AFDN: variants seen among roughly 807,000 people sequenced by gnomAD.
The protein encoded by AFDN is afadin.
A neutral mutation model predicts 216.6 loss-of-function variants in AFDN; 68 were observed. The observed-to-expected ratio is 0.31, with a 90% CI of 0.26 to 0.38. AFDN has a LOEUF of 0.38. Among genes scored for constraint, AFDN ranks in the 10% least tolerant of loss-of-function variants. AFDN has a pLI of 1.00. For missense variants in AFDN, 2,136 were observed against 2,342.0 expected (o/e 0.91, Z 1.82); for synonymous variants, 868 against 853.7 (o/e 1.02, Z -0.29).
At chr6:167,887,191 GGCTGATTTTTA>G (rs1786953410) in intron 6 of AFDN, among the ~76,000 whole-genome samples, 1 of 151,814 alleles carries the variant, frequency 6.6e-6, no homozygotes, top group South Asian at 2.1e-4. Context: ...AGTAATTTTT[GGCTGATTTTTA>G]CTGATGAAAA....
Position 167,965,963 on chromosome 6 carries a change from G to A in AFDN, c.5175G>A (p.Gln1725=). ...GAAACGCCTCCTACCTCAAAACACAGGTCCTCTCCCCCGACTCGCTGTTCA... is the reference window on the plus strand; with the variant it reads ...GAAACGCCTCCTACCTCAAAACACAAGTCCTCTCCCCCGACTCGCTGTTCA... The part of the protein sequence containing the change: ...PQRNASYLKT[Q]VLSPDSLFTA... The change falls in exon 32 of 34, where the codon CAG becomes CAA. Residue 1725 remains glutamine (Q), a synonymous_variant. Transcript: ENST00000683244. The A allele has an allele frequency of 6.5e-7, 1 of 1,544,598 alleles. No homozygotes were observed. Among genetic ancestry groups the A allele is most frequent in the Non-Finnish European group, 8.7e-7 (1 of 1,143,670 alleles).
At chr6:167,828,062 A>T (rs1170673727) in intron 1 of AFDN, 3 of 152,294 alleles carry the variant, frequency 2.0e-5, no homozygotes, top group Middle Eastern at 6.8e-3. Flanking sequence ...TCGGGGAGCA[A>T]CCCTGTAAAT....
chr6:167,856,003 G>A (rs1461516046), intron 1 of AFDN, among the ~76,000 whole-genome samples: 2 of 152,092 alleles, frequency 1.3e-5, no homozygotes, highest in African/African-American at 4.8e-5. Context: ...GTTTCGAATT[G>A]CATGACAGTT....
chr6:167,867,688 C>T (rs887092974), intron 2 of AFDN, among the ~76,000 whole-genome samples: 2 of 152,148 alleles, frequency 1.3e-5, no homozygotes, highest in Non-Finnish European at 2.9e-5. Context: ...GCCTCGGCCT[C>T]CCAAAGTGCT....
In AFDN at chr6:167,914,717, A is replaced by G. The variant is rs1304553039; in HGVS notation, c.2278A>G (p.Ser760Gly). ...CTTTCTAGATGACCCTGAAGAGAAC[A>G]GTCTGCAACGACCAAAAATAGGTTA... The part of the protein sequence containing the change: ...PAFLDDPEEN[S>G]LQRPKIDDVL... Residue 760 changes from serine to glycine, a missense_variant, in exon 18 of 34, where the codon AGT (serine) becomes GGT (glycine). Ser to Gly is a moderately conservative substitution (Grantham distance 56). Around this residue, in one of 8 missense-constraint regions of AFDN, gnomAD observed 817 missense variants for 965.7 expected, o/e 0.85. Transcript: ENST00000683244. 3 of 1,612,656 alleles carry G rather than the reference A, an allele frequency of 1.9e-6. No individual in the cohort carries two copies. The highest frequency in any genetic ancestry group is 1.3e-5 in the African/African-American group (1 of 74,916).
rs780249380 is a variant in AFDN, at chr6:167,914,751, TCTGA to T, written c.2299+17_2299+20del. The T allele has an allele frequency of 1.2e-5, 18 of 1,542,528 alleles. No homozygotes were observed. Among genetic ancestry groups the T allele is most frequent in the East Asian group, 6.7e-5 (3 of 44,536 alleles). On this transcript the variant is annotated intron_variant, in intron 18 of 33. Coordinates refer to ENST00000683244, the MANE Select transcript of AFDN (RefSeq NM_001386888.1). ...CGACCAAAAATAGGTTAGGATGTTT[TCTGA>T]CTGTCTCCCTCTATCCCGCTTCCTT... is the stretch of plus-strand genomic sequence containing the variant.
Position 167,966,026 on chromosome 6 carries a change from G to A in AFDN, c.5238G>A (p.Glu1746=). The A allele has an allele frequency of 6.5e-7, 1 of 1,548,078 alleles. No homozygotes were observed. The highest frequency in any genetic ancestry group is 8.7e-7 in the Non-Finnish European group (1 of 1,146,992). Residue 1746 remains glutamate, a synonymous_variant, in exon 32 of 34, where the codon GAG becomes GAA. Transcript: ENST00000683244. The stretch of plus-strand genomic sequence containing the variant: ...TTGCATACAATGAGGAGGAGGAGGA[G>A]GAGGACTGCAGCCTAGCAGGTCAGG... ...KFVAYNEEEE[E]EDCSLAGPNS... is the part of the protein sequence containing the mutation.
intron 13 of AFDN, among the ~76,000 whole-genome samples, chr6:167,910,765 A>G (rs1039058050): frequency 1.2e-4 from 18 of 152,158 alleles, no homozygotes; most frequent in African/African-American, 4.1e-4. Flanking sequence ...CTTTGTTTTC[A>G]GTGTTACCTG....
chr6:167,935,860 A>G (rs1793933082), intron 23 of AFDN, among the ~76,000 whole-genome samples: 1 of 151,830 alleles, frequency 6.6e-6, no homozygotes, highest in Non-Finnish European at 1.5e-5. Context: ...TGTTTTTGCC[A>G]TATTATCTGC....
At position 167,902,198 on chromosome 6, in the gene AFDN, G is replaced by A. The variant is rs924092900; in HGVS notation, c.1581-119G>A. The A allele has an allele frequency of 4.4e-5, 32 of 719,504 alleles. No homozygotes were observed. In the African/African-American group the frequency reaches 5.2e-4, roughly 12 times the overall value. The allele number at this position is 719,504 out of a possible 1,614,324, so 44.6% of individuals were successfully genotyped here. A position where few individuals can be genotyped will look rare whatever the true frequency, so the allele number is the denominator to read the frequency against. On this transcript the variant is annotated intron_variant, in intron 11 of 33. Transcript: ENST00000683244. ...TGTAAGTTCGTGTGCTGAAAACAGA[G>A]CAATTTCTTAAAAATCTTTGACATT...
intron 3 of AFDN, 44 bp downstream of exon 3, chr6:167,870,542 G>T (rs755167530): frequency 3.3e-6 from 4 of 1,196,906 alleles, no homozygotes; most frequent in Non-Finnish European, 4.8e-6. Context: ...TCCAGGGCCA[G>T]GTCTGACTGA....
chr6:167,907,287 C>T lies in AFDN; in HGVS notation c.1767C>T (p.Ser589=). 1.2e-6 allele frequency: 2 copies of T among 1,611,050 alleles called. No homozygotes were observed. Among genetic ancestry groups the T allele is most frequent in the Non-Finnish European group, 1.7e-6 (2 of 1,177,354 alleles). The change falls in exon 13 of 34, where the codon AGC becomes AGT. Residue 589 remains serine, a splice_region_variant and synonymous_variant. Transcript: ENST00000683244. ...EQQPDYRRQE[S]RTQDASGPEL... is the part of the protein sequence containing the mutation. ...AGCCAGATTATCGCAGGCAAGAAAG[C>T]AGGTAGGAAACACATCATTTTTCAA... is the stretch of plus-strand genomic sequence containing the variant.
At chr6:167,865,716 G>A (rs1784101194) in intron 2 of AFDN, among the ~76,000 whole-genome samples, 1 of 151,978 alleles carries the variant, frequency 6.6e-6, no homozygotes, top group Non-Finnish European at 1.5e-5. Flanking sequence ...TACAGTTGGT[G>A]CAGCAAATAA....
At chr6:167,882,572 A>G (rs549737393) in intron 6 of AFDN, among the ~76,000 whole-genome samples, 153 of 151,996 alleles carry the variant, frequency 1.0e-3, no homozygotes, top group African/African-American at 3.6e-3. Flanking sequence ...AATTACTTGA[A>G]CCCGGGAGGT....
chr6:167,919,007 A>C, intron 21 of AFDN, 74 bp downstream of exon 21: 34 of 1,312,768 alleles, frequency 2.6e-5, no homozygotes, highest in Non-Finnish European at 3.4e-5. Context: ...TGTCCATCTC[A>C]TAGGGTAGTC....
At chr6:167,848,639 G>A (rs1781962135) in intron 1 of AFDN, among the ~76,000 whole-genome samples, 1 of 152,096 alleles carries the variant, frequency 6.6e-6, no homozygotes. Context: ...TTTAGGTCCT[G>A]CAAAATTGAT....
chr6:167,855,167 TTAAG>T (rs766271922), intron 1 of AFDN, among the ~76,000 whole-genome samples: 5 of 152,094 alleles, frequency 3.3e-5, no homozygotes, highest in African/African-American at 4.8e-5. Flanking sequence ...TCTAGTTTAC[TTAAG>T]TATTTGAAGT....
chr6:167,882,014 A>C (rs1786175947), intron 6 of AFDN, among the ~76,000 whole-genome samples: 1 of 152,206 alleles, frequency 6.6e-6, no homozygotes, highest in Non-Finnish European at 1.5e-5. Context: ...GGTTCAACAG[A>C]CATTTGAAAA....
At chr6:167,870,311 T>G in intron 2 of AFDN, 75 bp from the exon 3 acceptor site, 1 of 834,582 alleles carries the variant, frequency 1.2e-6, no homozygotes, top group Non-Finnish European at 1.9e-6. Flanking sequence ...TAAATGTATA[T>G]CAGAATGCTT....
Sources: gnomAD v4.1 joint callset for allele counts (sites outside exome capture counted in the v4.1 genomes callset) on GRCh38, gnomAD v4.1.1 for gene constraint, gnomAD v4.1.1 regional missense constraint, MANE v1.5 for transcripts, NCBI Gene and HGNC (gene_info 2026-07-23, HGNC 2026-07-21) for gene names.